KLF17: variants seen among roughly 807,000 people sequenced by gnomAD.
KLF17 encodes KLF transcription factor 17, also known as Krueppel-like factor 17.
KLF17 carries 31 observed loss-of-function variants against 34.2 expected under a neutral mutation model. The observed-to-expected ratio is 0.91, with a 90% CI of 0.68 to 1.22. The LOEUF is 1.22. Ranked by LOEUF, KLF17 falls within the 50% of genes most tolerant of loss-of-function variation. KLF17 has a pLI of 0.00. For synonymous variants in KLF17, 179 were observed against 186.7 expected (o/e 0.96, Z 0.34); for missense variants, 478 against 505.2 (o/e 0.95, Z 0.52).
At chr1:44,103,730 G>T in the KLF17 span, 1 of 1,434,028 alleles carries the variant, frequency 7.0e-7, no homozygotes, top group Non-Finnish European at 9.8e-7. Flanking sequence ...GCTTGGCGTT[G>T]GCACCCTTAA....
chr1:44,065,285 C>CT, the KLF17 span, among the ~76,000 whole-genome samples: 1 of 142,340 alleles, frequency 7.0e-6, no homozygotes, highest in Non-Finnish European at 1.5e-5. Context: ...GAGACTCCAT[C>CT]TAAAAAAAAA....
At chr1:44,083,044 C>A in the KLF17 span, among the ~76,000 whole-genome samples, 3 of 149,192 alleles carry the variant, frequency 2.0e-5, no homozygotes, top group African/African-American at 7.4e-5. Flanking sequence ...TGAGCTCAAA[C>A]AATCCTCTCA....
the KLF17 span, chr1:44,105,529 C>T: frequency 6.6e-6 from 1 of 152,194 alleles, no homozygotes; most frequent in African/African-American, 2.4e-5. Flanking sequence ...GTGGCCACTG[C>T]TTCAGCCATG....
At chr1:44,087,470 C>T in the KLF17 span, among the ~76,000 whole-genome samples, 3 of 151,514 alleles carry the variant, frequency 2.0e-5, no homozygotes, top group African/African-American at 7.3e-5. Context: ...CCCTATGTTG[C>T]CTAGGCTGGT....
At chr1:44,132,782 A>G (rs2088126674) in intron 3 of KLF17, among the ~76,000 whole-genome samples, 1 of 152,194 alleles carries the variant, frequency 6.6e-6, no homozygotes, top group South Asian at 2.1e-4. Flanking sequence ...TAAGTGGCCT[A>G]TCTTTCCTTG....
At chr1:44,099,908 A>G in the KLF17 span, among the ~76,000 whole-genome samples, 10 of 67,254 alleles carry the variant, frequency 1.5e-4, 1 homozygote, top group East Asian at 4.7e-4. Flanking sequence ...AAAGAAAGAA[A>G]GAAAGAAAGA....
At chr1:44,072,104 C>T in the KLF17 span, among the ~76,000 whole-genome samples, 12 of 151,470 alleles carry the variant, frequency 7.9e-5, no homozygotes, top group African/African-American at 2.4e-4. Context: ...ATTTTGAAGG[C>T]GGATACAACA....
chr1:44,061,453 A>G, the KLF17 span, among the ~76,000 whole-genome samples: 2 of 152,202 alleles, frequency 1.3e-5, no homozygotes, highest in Non-Finnish European at 1.5e-5. Context: ...GGGAAGAGGC[A>G]AAATCACCTC....
At chr1:44,116,040 A>AG (rs1439671100), upstream of KLF17, 1 of 152,202 alleles carries the variant, frequency 6.6e-6, no homozygotes, top group East Asian at 1.9e-4. Flanking sequence ...TTTTTAGAGG[A>AG]GGGGGGTATA....
chr1:44,084,629 A>G, the KLF17 span, among the ~76,000 whole-genome samples: 4 of 151,306 alleles, frequency 2.6e-5, no homozygotes, highest in African/African-American at 4.9e-5. Context: ...GCAGCTTGCT[A>G]TGATCCTGCC....
the KLF17 span, among the ~76,000 whole-genome samples, chr1:44,089,663 A>G: frequency 6.6e-6 from 1 of 152,190 alleles, no homozygotes; most frequent in Admixed American, 6.5e-5. Context: ...AACATAAAGA[A>G]CCCGTACAAA....
the KLF17 span, among the ~76,000 whole-genome samples, chr1:44,068,763 C>T: frequency 1.3e-5 from 2 of 152,196 alleles, no homozygotes; most frequent in Non-Finnish European, 2.9e-5. Flanking sequence ...TGGCACCAAA[C>T]GGAAGCTTGT....
the KLF17 span, among the ~76,000 whole-genome samples, chr1:44,049,012 G>T: frequency 6.6e-6 from 1 of 152,194 alleles, no homozygotes; most frequent in African/African-American, 2.4e-5. Context: ...CACAGACTGG[G>T]TGGCTTAAAC....
chr1:44,092,026 C>T, the KLF17 span, among the ~76,000 whole-genome samples: 15 of 129,064 alleles, frequency 1.2e-4, no homozygotes, highest in Non-Finnish European at 2.3e-4. Flanking sequence ...AAAAGAACTA[C>T]TGCATTAAAA....
chr1:44,090,345 T>C, the KLF17 span, among the ~76,000 whole-genome samples: 1 of 103,108 alleles, frequency 9.7e-6, no homozygotes, highest in Non-Finnish European at 2.1e-5. Flanking sequence ...AAAGAAAAGA[T>C]TTGTTGACTC....
At chr1:44,103,540 TA>T in the KLF17 span, 2 of 1,370,186 alleles carry the variant, frequency 1.5e-6, no homozygotes, top group African/African-American at 2.8e-5. Context: ...TTCGTATGGA[TA>T]CTCCTGTTCT....
the KLF17 span, among the ~76,000 whole-genome samples, chr1:44,096,460 G>A: frequency 6.7e-5 from 10 of 148,518 alleles, no homozygotes; most frequent in African/African-American, 2.2e-4. Flanking sequence ...GTGCAGTGGC[G>A]CGATCTCGAC....
chr1:44,122,027 TTA>T (rs2087951785), intron 1 of KLF17: 1 of 688,912 alleles, frequency 1.5e-6, no homozygotes, highest in Non-Finnish European at 2.5e-6. Context: ...TCCTTTTCCT[TTA>T]TGTCTTTTCC....
chr1:44,096,515 C>G, the KLF17 span, among the ~76,000 whole-genome samples: 1 of 151,618 alleles, frequency 6.6e-6, no homozygotes, highest in East Asian at 1.9e-4. Context: ...TCTCCTGCCT[C>G]AGCCTCCAGA....
Sources: allele counts gnomAD v4.1 joint callset (sites outside exome capture counted in the v4.1 genomes callset), GRCh38; gene constraint gnomAD v4.1.1; transcripts MANE v1.5; gene names NCBI Gene and HGNC (gene_info 2026-07-23, HGNC 2026-07-21).